UBR4: variants seen among roughly 807,000 people sequenced by gnomAD.
UBR4 encodes the protein ubiquitin protein ligase E3 component n-recognin 4, also known as E3 ubiquitin-protein ligase UBR4.
A neutral mutation model predicts 575.6 loss-of-function variants in UBR4; 124 were observed. The ratio of observed to expected loss-of-function variants is 0.22; its 90% CI spans 0.19 to 0.25. UBR4 has a LOEUF of 0.25. Ranked by LOEUF, UBR4 falls within the 10% of genes least tolerant of loss-of-function variation. The pLI is 1.00. For synonymous variants in UBR4, 2,455 were observed against 2,473.7 expected (o/e 0.99, Z 0.22); for missense variants, 4,818 against 6,478.8 (o/e 0.74, Z 8.80).
rs2079685451 is a variant in UBR4, at chr1:19,110,202, G to A, written c.11999C>T (p.Ala4000Val). Reference protein sequence around the residue: ...LRCALSLFLMAVNIKTPVVVE... With the variant: ...LRCALSLFLMVVNIKTPVVVE... ...CACCACAGGAGTCTTAATGTTCACA[G>A]CCATGAGGAAAAGGCTGAGAGCTAG... Residue 4000 changes from alanine (A) to valine (V), a missense_variant, in exon 81 of 106, where the codon GCT becomes GTT. Physicochemically the swap from Ala to Val is moderately conservative, Grantham distance 64. Around this residue, in one of 29 missense-constraint regions of UBR4, gnomAD observed 333 missense variants for 459.2 expected, o/e 0.73. Transcript: ENST00000375254. This position sits in a 1 kb window ranked among gnomAD's most constrained non-coding sequence, Gnocchi z 4.5. 6.2e-7 allele frequency: 1 copy of A among 1,614,232 alleles called. No individual in the cohort carries two copies. The highest frequency in any genetic ancestry group is 1.1e-5 in the South Asian group (1 of 91,088).
At chr1:19,150,840 C>T in intron 48 of UBR4, 47 bp from the exon 49 acceptor site, 1 of 1,593,272 alleles carries the variant, frequency 6.3e-7, no homozygotes, top group Non-Finnish European at 8.6e-7. Context: ...CTCTAAAAAG[C>T]CACCCCTCCA....
At chr1:19,176,550 G>C (rs1332496862) in intron 20 of UBR4, 42 bp downstream of exon 20, 1 of 1,599,978 alleles carries the variant, frequency 6.3e-7, no homozygotes, top group Admixed American at 1.7e-5. Context: ...CCACCAATGA[G>C]AATCAGTAAG....
intron 52 of UBR4, among the ~76,000 whole-genome samples, chr1:19,146,427 C>T (rs1376782641): frequency 1.3e-5 from 2 of 152,174 alleles, no homozygotes; most frequent in Non-Finnish European, 2.9e-5. Context: ...GCACTGAGCA[C>T]TGAGAAAGTT....
chr1:19,160,994 C>A lies in UBR4; in HGVS notation c.5329G>T (p.Val1777Phe), dbSNP rs762934878. 6.2e-7 allele frequency: 1 copy of A among 1,614,146 alleles called. No individual in the cohort carries two copies. The highest frequency in any genetic ancestry group is 8.5e-7 in the Non-Finnish European group (1 of 1,180,030). The change falls in exon 38 of 106, where the codon GTT (valine) becomes TTT (phenylalanine). Residue 1777 changes from valine (V) to phenylalanine (F), a missense_variant. Val to Phe is a conservative substitution (Grantham distance 50). Transcript: ENST00000375254. ...KAKVTISDGK[V>F]ADEEKPKKSS... is the part of the protein sequence containing the mutation. Reference sequence around the variant, plus strand: ...TTCTTGGGCTTCTCTTCGTCAGCAACCTTTCCATCACTGATGGTAACCTTG... The same window carrying A: ...TTCTTGGGCTTCTCTTCGTCAGCAAACTTTCCATCACTGATGGTAACCTTG...
chr1:19,091,114 T>G (rs906325428), intron 97 of UBR4, among the ~76,000 whole-genome samples: 1 of 149,862 alleles, frequency 6.7e-6, no homozygotes, highest in Non-Finnish European at 1.5e-5. Context: ...AAAAAAAGAA[T>G]AAGCCTGGAA....
chr1:19,077,270 G>A lies in UBR4; in HGVS notation c.15325-368C>T, dbSNP rs149257149. On this transcript the variant is annotated intron_variant, in intron 104 of 105. Coordinates refer to ENST00000375254, the MANE Select transcript of UBR4 (RefSeq NM_020765.3). ...CAACTCAAAAACTCAGATTCTCTCC[G>A]GAGAGGAGTGTCCTGTTATAAGCTG... Among the ~76,000 whole-genome samples, 998 of 152,310 alleles carry A rather than the reference G, an allele frequency of 6.6e-3. 13 individuals carry two copies. The highest frequency in any genetic ancestry group is 0.027 in the Admixed American group (416 of 15,298).
At chr1:19,086,641 C>A (rs757491505) in intron 100 of UBR4, 38 bp downstream of exon 100, 3 of 1,607,772 alleles carry the variant, frequency 1.9e-6, no homozygotes, top group Middle Eastern at 1.9e-4. Flanking sequence ...CACAGGCAGG[C>A]CTACTGAAGG....
intron 65 of UBR4, 98 bp downstream of exon 65, chr1:19,124,443 G>A: frequency 3.3e-6 from 5 of 1,504,408 alleles, no homozygotes; most frequent in Non-Finnish European, 4.5e-6. Flanking sequence ...CTCTGCAAGG[G>A]GAAATACCAA....
Position 19,094,893 on chromosome 1 carries a change from G to A in UBR4, c.13746+13C>T, listed in dbSNP as rs766892161. ...CTCAGTGCCTGCAGATGGAGGGGCC[G>A]AGCCCCACTCACCTTGTCCTCACTC... On this transcript the variant is annotated intron_variant, in intron 94 of 105. Transcript: ENST00000375254. The A allele has an allele frequency of 6.8e-6, 11 of 1,612,302 alleles. No homozygotes were observed. The highest frequency in any genetic ancestry group is 5.5e-5 in the South Asian group (5 of 91,008).
intron 35 of UBR4, 57 bp from the exon 36 acceptor site, chr1:19,161,954 C>T (rs950539973): frequency 2.5e-6 from 4 of 1,594,836 alleles, no homozygotes; most frequent in Non-Finnish European, 3.4e-6. Context: ...TAAACACCCA[C>T]AAAAACACAT....
chr1:19,148,483 G>A (rs563921962), intron 50 of UBR4, 80 bp downstream of exon 50: 311 of 1,528,590 alleles, frequency 2.0e-4, no homozygotes, highest in Non-Finnish European at 2.5e-4. Context: ...CTTTAGCTTC[G>A]AGGCCTCAGG....
rs371775089 is a variant in UBR4 at position 19,152,471 on chromosome 1, G to A, written c.6838C>T (p.Arg2280Cys). The A allele has an allele frequency of 2.4e-5, 39 of 1,613,818 alleles. No individual in the cohort carries two copies. Among genetic ancestry groups the A allele is most frequent in the South Asian group, 1.2e-4 (11 of 91,068 alleles). Residue 2280 changes from arginine to cysteine, a missense_variant, in exon 47 of 106, where the codon CGC becomes TGC. By Grantham distance (180) the Arg-to-Cys change is radical. Around this residue, in one of 29 missense-constraint regions of UBR4, gnomAD observed 461 missense variants for 606.9 expected, o/e 0.76. Transcript: ENST00000375254. This position sits in a 1 kb window ranked among gnomAD's most constrained non-coding sequence, Gnocchi z 4.4. Reference sequence around the variant, plus strand: ...GGGAAAGTCACCTGGCTAGACGTGCGGGTTGCTGCAGAGAACGGTACCAGA... The same window carrying A: ...GGGAAAGTCACCTGGCTAGACGTGCAGGTTGCTGCAGAGAACGGTACCAGA... ...RKRKTATITT[R>C]TSSQVTFPID...
intron 61 of UBR4, 27 bp downstream of exon 61, chr1:19,128,951 C>G: frequency 6.3e-7 from 1 of 1,598,166 alleles, no homozygotes; most frequent in South Asian, 1.1e-5. Context: ...CATGACCTGA[C>G]AGAGATCCAG....
intron 11 of UBR4, among the ~76,000 whole-genome samples, chr1:19,191,360 A>T (rs1360688107): frequency 6.6e-6 from 1 of 152,174 alleles, no homozygotes; most frequent in East Asian, 1.9e-4. Flanking sequence ...AATCCCAGCT[A>T]CTTGGGAGGC....
In UBR4 at chr1:19,147,996, G is replaced by C; in HGVS notation, c.7626C>G (p.His2542Gln). The part of the protein sequence containing the change: ...LHTSRSAYHS[H>Q]KDQALLSKAV... ...CTTTCCCTGAGAGAACAGTTACCTT[G>C]TGGCTGTGGTAGGCCGAGCGGCTGG... Residue 2542 changes from histidine (H) to glutamine (Q), a missense_variant, in exon 51 of 106, where the codon CAC becomes CAG. Coordinates refer to ENST00000375254, the MANE Select transcript of UBR4 (RefSeq NM_020765.3). The C allele has an allele frequency of 6.2e-7, 1 of 1,612,326 alleles. No homozygotes were observed. The highest frequency in any genetic ancestry group is 1.1e-5 in the South Asian group (1 of 90,998).
At chr1:19,081,761 T>G in intron 102 of UBR4, 188 bp from the exon 103 acceptor site, 1 of 734,308 alleles carries the variant, frequency 1.4e-6, no homozygotes, top group East Asian at 2.7e-5. Context: ...CTTCGTCCCC[T>G]TCCAGGCCCT....
intron 97 of UBR4, among the ~76,000 whole-genome samples, chr1:19,091,073 G>A (rs944996597): frequency 1.3e-5 from 2 of 148,174 alleles, no homozygotes; most frequent in Non-Finnish European, 3.0e-5. Context: ...TCCAGCCTGG[G>A]TGACAAGAGC....
rs199686617 is a variant in UBR4 at position 19,164,750 on chromosome 1, G to A, written c.4511+49C>T. On this transcript the variant is annotated intron_variant, in intron 32 of 105. Coordinates refer to ENST00000375254, the MANE Select transcript of UBR4 (RefSeq NM_020765.3). Reference sequence around the variant, plus strand: ...AGGAAAGATAACTGCAAATATCAACGTGTTTCTGGGGTTGCTAGGGAAACA... The same window carrying A: ...AGGAAAGATAACTGCAAATATCAACATGTTTCTGGGGTTGCTAGGGAAACA... The A allele has an allele frequency of 1.4e-4, 220 of 1,596,902 alleles. No homozygotes were observed. In the East Asian group the frequency reaches 1.9e-3, roughly 14 times the overall value.
At chr1:19,137,971 G>A (rs889894142) in intron 60 of UBR4, 36 bp downstream of exon 60, 3 of 1,444,290 alleles carry the variant, frequency 2.1e-6, no homozygotes, top group Non-Finnish European at 2.8e-6. Flanking sequence ...GTCTCAGATA[G>A]GCAAGCCTCT....
Sources: allele counts gnomAD v4.1 joint callset (sites outside exome capture counted in the v4.1 genomes callset), GRCh38; gene constraint gnomAD v4.1.1; regional missense constraint gnomAD v4.1.1; non-coding constraint Gnocchi (gnomAD v3.1); transcripts MANE v1.5; gene names NCBI Gene and HGNC (gene_info 2026-07-23, HGNC 2026-07-21).